Variants in ADGB observed in about 807,000 individuals in gnomAD.
The protein encoded by ADGB is calpain-7-like protein.
In ADGB, 172 loss-of-function variants were observed where a neutral mutation model predicts 210.5. That is an observed-to-expected ratio of 0.82 (90% CI 0.72 to 0.93). The LOEUF (loss-of-function observed/expected upper bound fraction) is 0.93, where lower values mean the gene tolerates loss of function less well. Ranked by LOEUF, ADGB falls within the 40% of genes least tolerant of loss-of-function variation. ADGB has a pLI of 0.00. For synonymous variants in ADGB, 658 were observed against 662.7 expected (o/e 0.99, Z 0.11); for missense variants, 2,025 against 1,964.8 (o/e 1.03, Z -0.58).
chr6:146,807,144 T>G (rs1363887558), intron 35 of ADGB, among the ~76,000 whole-genome samples: 1 of 152,096 alleles, frequency 6.6e-6, no homozygotes, highest in Non-Finnish European at 1.5e-5. Context: ...ATACCTTTGG[T>G]AAAAAAAAGT....
At chr6:146,668,864 G>A (rs976503312) in intron 7 of ADGB, among the ~76,000 whole-genome samples, 3 of 152,040 alleles carry the variant, frequency 2.0e-5, no homozygotes, top group African/African-American at 7.2e-5. Context: ...GTCTGAGTGG[G>A]AATTAGAAAT....
intron 28 of ADGB, among the ~76,000 whole-genome samples, chr6:146,767,406 C>CTT (rs1777592787): frequency 6.6e-6 from 1 of 152,208 alleles, no homozygotes. Flanking sequence ...AATATATTGA[C>CTT]TTACTTATTA....
chr6:146,808,102 T>C (rs9390423), intron 35 of ADGB, among the ~76,000 whole-genome samples: 58,164 of 149,584 alleles, frequency 0.39, 11,669 homozygotes, highest in East Asian at 0.67. Flanking sequence ...CAGGTTCAAG[T>C]GATTCTCCTG....
chr6:146,708,412 A>G (rs1028251092), intron 13 of ADGB, among the ~76,000 whole-genome samples: 3 of 152,088 alleles, frequency 2.0e-5, no homozygotes, highest in Non-Finnish European at 4.4e-5. Flanking sequence ...TCTTGTGGTG[A>G]TGAATTCCCT....
At chr6:146,663,506 C>T (rs992350047) in intron 5 of ADGB, among the ~76,000 whole-genome samples, 3 of 151,884 alleles carry the variant, frequency 2.0e-5, no homozygotes, top group African/African-American at 7.3e-5. Flanking sequence ...GCTTTACCCT[C>T]CTTTTTACCT....
intron 9 of ADGB, 31 bp downstream of exon 9, chr6:146,676,472 A>AT: frequency 7.7e-7 from 1 of 1,303,102 alleles, no homozygotes; most frequent in African/African-American, 1.5e-5. Flanking sequence ...AATAATAACT[A>AT]TTTTAGTTGT....
Position 146,769,936 on chromosome 6 carries a change from G to C in ADGB, c.3862+805G>C, listed in dbSNP as rs576306072. Among the ~76,000 whole-genome samples the C allele has an allele frequency of 1.2e-3, 179 of 152,192 alleles. 2 individuals carry two copies. Among genetic ancestry groups the C allele is most frequent in the Non-Finnish European group, 1.4e-3 (93 of 68,012 alleles). ...AGAATTTTTAGTATACATACAACAC[G>C]CTTATGATAAGACGTAAACTCTTAG... On this transcript the variant is annotated intron_variant, in intron 29 of 35. Coordinates refer to ENST00000397944, the MANE Select transcript of ADGB (RefSeq NM_024694.4).
intron 1 of ADGB, among the ~76,000 whole-genome samples, chr6:146,613,111 T>A (rs1050238128): frequency 6.6e-6 from 1 of 152,216 alleles, no homozygotes; most frequent in African/African-American, 2.4e-5. Context: ...TTATTTATTC[T>A]CATTCATTTT....
intron 17 of ADGB, among the ~76,000 whole-genome samples, chr6:146,722,256 C>A (rs1313242800): frequency 6.6e-6 from 1 of 152,002 alleles, no homozygotes; most frequent in African/African-American, 2.4e-5. Flanking sequence ...TTTCAAGCAC[C>A]CCACTCCCCG....
chr6:146,755,049 T>A (rs77025722), intron 27 of ADGB, among the ~76,000 whole-genome samples: 277 of 152,242 alleles, frequency 1.8e-3, no homozygotes, highest in African/African-American at 6.2e-3. Context: ...GTATATGCTA[T>A]GTTGCTAGTT....
intron 1 of ADGB, among the ~76,000 whole-genome samples, chr6:146,599,624 CATT>C (rs1438152973): frequency 6.6e-6 from 1 of 152,138 alleles, no homozygotes; most frequent in African/African-American, 2.4e-5. Flanking sequence ...AACCTTAAAA[CATT>C]ATAAATGTAT....
chr6:146,647,524 G>C (rs796316849), intron 3 of ADGB, among the ~76,000 whole-genome samples: 2 of 152,066 alleles, frequency 1.3e-5, no homozygotes, highest in Admixed American at 6.6e-5. Context: ...TACATGAGAG[G>C]TTTTCTGATT....
intron 33 of ADGB, among the ~76,000 whole-genome samples, chr6:146,790,526 G>C (rs1046794781): frequency 2.0e-5 from 3 of 152,104 alleles, no homozygotes; most frequent in African/African-American, 7.2e-5. Context: ...AGAATTTTCT[G>C]TTTGTTAAAG....
chr6:146,802,271 T>A (rs1430229394), intron 35 of ADGB: 4 of 216,992 alleles, frequency 1.8e-5, no homozygotes, highest in Non-Finnish European at 2.6e-5. Flanking sequence ...AACAACAAAA[T>A]TATTTGTTCA....
At chr6:146,785,850 C>G (rs1276669055) in intron 32 of ADGB, 138 bp downstream of exon 32, 1 of 656,412 alleles carries the variant, frequency 1.5e-6, no homozygotes, top group African/African-American at 1.8e-5. Flanking sequence ...TAAAAAGTCG[C>G]ACAATTTCAG....
chr6:146,601,031 C>T (rs976316677), intron 1 of ADGB, among the ~76,000 whole-genome samples: 2 of 151,652 alleles, frequency 1.3e-5, no homozygotes, highest in Non-Finnish European at 2.9e-5. Flanking sequence ...TTAGGAGCTT[C>T]GGGAAAATCT....
chr6:146,692,837 A>G lies in ADGB; in HGVS notation c.1499A>G (p.Lys500Arg). ...ITDEAQELIV[K>R]KPERFLEISS... ...TGCTACTTTTTAGAGTTAATAGTAA[A>G]GAAGCCTGAACGGTTCCTTGAGATT... is the stretch of plus-strand genomic sequence containing the variant. Residue 500 changes from lysine to arginine, a missense_variant, in exon 12 of 36, where the codon AAG becomes AGG. Lys to Arg is a conservative substitution (Grantham distance 26, BLOSUM62 2). Transcript: ENST00000397944. The G allele has an allele frequency of 7.2e-6, 11 of 1,526,582 alleles. No individual in the cohort carries two copies. The highest frequency in any genetic ancestry group is 9.7e-6 in the Non-Finnish European group (11 of 1,133,230). The allele number at this position is 1,526,582 out of a possible 1,614,324, so 94.6% of individuals were successfully genotyped here.
At chr6:146,807,984 A>C in intron 35 of ADGB, 1 of 144,280 alleles carries the variant, frequency 6.9e-6, no homozygotes, top group Non-Finnish European at 1.5e-5. Flanking sequence ...ACTAATAACT[A>C]TGCTTCAGTT....
intron 28 of ADGB, among the ~76,000 whole-genome samples, chr6:146,767,497 G>A (rs370111041): frequency 1.3e-5 from 2 of 152,056 alleles, no homozygotes; most frequent in East Asian, 3.9e-4. Flanking sequence ...TCTTTTTTGA[G>A]ACAGAGTCTC....
Sources: allele counts gnomAD v4.1 joint callset (sites outside exome capture counted in the v4.1 genomes callset), GRCh38; gene constraint gnomAD v4.1.1; transcripts MANE v1.5; gene names NCBI Gene and HGNC (gene_info 2026-07-23, HGNC 2026-07-21).